IQSEC3: variants seen among roughly 807,000 people sequenced by gnomAD.
IQSEC3 encodes IQ motif and Sec7 domain ArfGEF 3, also known as IQ motif and SEC7 domain-containing protein 3.
Under a neutral mutation model 105.4 loss-of-function variants are expected in IQSEC3, and 50 were observed. The observed-to-expected ratio is 0.47, with a 90% confidence interval of 0.38 to 0.60. IQSEC3 has a LOEUF of 0.60. Ranked by LOEUF, IQSEC3 falls within the 20% of genes least tolerant of loss-of-function variation. IQSEC3 has a pLI of 0.00. For synonymous variants in IQSEC3, 708 were observed against 746.0 expected (o/e 0.95, Z 0.83); for missense variants, 1,415 against 1,630.0 (o/e 0.87, Z 2.27).
At chr12:87,926 G>A (rs12230910) in intron 1 of IQSEC3, among the ~76,000 whole-genome samples, 1 of 152,148 alleles carries the variant, frequency 6.6e-6, no homozygotes, top group African/African-American at 2.4e-5. Context: ...AAGTTCTGTT[G>A]TATACGTGCG....
At chr12:136,567 C>T (rs1173867378) in intron 3 of IQSEC3, among the ~76,000 whole-genome samples, 1 of 152,148 alleles carries the variant, frequency 6.6e-6, no homozygotes, top group Non-Finnish European at 1.5e-5. Flanking sequence ...GTACCCTCGC[C>T]ATCCATGATC....
intron 1 of IQSEC3, among the ~76,000 whole-genome samples, chr12:82,247 G>A (rs1565381940): frequency 6.6e-6 from 1 of 152,168 alleles, no homozygotes; most frequent in African/African-American, 2.4e-5. Context: ...CTATTAGAGG[G>A]ATACATTGTG....
chr12:84,881 C>T (rs1347784957), intron 1 of IQSEC3, among the ~76,000 whole-genome samples: 1 of 152,132 alleles, frequency 6.6e-6, no homozygotes, highest in Non-Finnish European at 1.5e-5. Flanking sequence ...CAAGGCTCTT[C>T]CACTCACAGC....
At chr12:116,954 G>A (rs1398413629) in intron 2 of IQSEC3, among the ~76,000 whole-genome samples, 1 of 152,246 alleles carries the variant, frequency 6.6e-6, no homozygotes, top group African/African-American at 2.4e-5. Context: ...TCTTTCTTGA[G>A]CTGAGTACAT....
intron 13 of IQSEC3, among the ~76,000 whole-genome samples, chr12:172,874 G>A (rs1939079510): frequency 1.3e-5 from 2 of 152,212 alleles, no homozygotes; most frequent in Non-Finnish European, 2.9e-5. Context: ...GCAGTGGGGG[G>A]ACCAGAGCAG....
intron 9 of IQSEC3, 183 bp from the exon 10 acceptor site, chr12:165,251 G>A: frequency 1.6e-6 from 1 of 618,798 alleles, no homozygotes; most frequent in South Asian, 1.9e-5. Flanking sequence ...CCACTGTAGG[G>A]TTTTGTGCAG....
chr12:113,523 A>G (rs1864959401), intron 2 of IQSEC3, among the ~76,000 whole-genome samples: 1 of 151,792 alleles, frequency 6.6e-6, no homozygotes. Flanking sequence ...TGCCACTGCC[A>G]CACGGCCTGG....
chr12:97,295 A>G (rs1555074950), intron 1 of IQSEC3, among the ~76,000 whole-genome samples: 2 of 152,124 alleles, frequency 1.3e-5, no homozygotes, highest in East Asian at 1.9e-4. Context: ...TTCCTAGTCT[A>G]TCATGTGTCT....
chr12:109,344 C>T (rs1359652611), intron 2 of IQSEC3, among the ~76,000 whole-genome samples: 1 of 152,144 alleles, frequency 6.6e-6, no homozygotes, highest in African/African-American at 2.4e-5. Context: ...CATTTGCTGG[C>T]CGTGTTGTCC....
At chr12:154,173 T>TGGCTCTCA (rs1866604267) in intron 5 of IQSEC3, among the ~76,000 whole-genome samples, 1 of 152,194 alleles carries the variant, frequency 6.6e-6, no homozygotes, top group Non-Finnish European at 1.5e-5. Context: ...TCCCGGTCCT[T>TGGCTCTCA]GGCTCTCAGG....
At chr12:105,128 A>C (rs1348869284) in intron 2 of IQSEC3, among the ~76,000 whole-genome samples, 3 of 152,180 alleles carry the variant, frequency 2.0e-5, no homozygotes, top group Admixed American at 6.5e-5. Flanking sequence ...GGGCAGGCCC[A>C]CCCTGCCTGC....
intron 12 of IQSEC3, 74 bp from the exon 13 acceptor site, chr12:171,038 T>G (rs1938961476): frequency 2.5e-6 from 4 of 1,579,270 alleles, no homozygotes; most frequent in Non-Finnish European, 3.5e-6. Context: ...CAGAGATGCT[T>G]GAGGGGCACA....
intron 12 of IQSEC3, among the ~76,000 whole-genome samples, chr12:170,253 T>G (rs1242554816): frequency 3.9e-5 from 6 of 152,322 alleles, no homozygotes; most frequent in South Asian, 4.1e-4. Context: ...GCTTTTGTTT[T>G]CTCAGCTGTG....
At position 138,441 on chromosome 12, in the gene IQSEC3, A is replaced by G. The variant is rs782262240; in HGVS notation, c.1078A>G (p.Thr360Ala). 57 of 1,605,206 alleles carry G rather than the reference A, an allele frequency of 3.6e-5. No individual in the cohort carries two copies. Among genetic ancestry groups the G allele is most frequent in the Non-Finnish European group, 4.7e-5 (55 of 1,179,388 alleles). ...CTCCCTGCGCAAGGTGCGGTCACCC[A>G]CGGCCGAGAGCCTGGCGGCCGAGAA... is the stretch of plus-strand genomic sequence containing the variant. ...RISLRKVRSP[T>A]AESLAAEKAL... Residue 360 changes from threonine to alanine, a missense_variant, in exon 4 of 14, where the codon ACG (threonine) becomes GCG (alanine). Physicochemically the swap from Thr to Ala is moderately conservative, Grantham distance 58. Transcript: ENST00000538872. This position sits in a 1 kb window ranked among gnomAD's most constrained non-coding sequence, Gnocchi z 7.1.
At position 76,100 on chromosome 12, in the gene IQSEC3, A is replaced by G. The variant is rs2136870029; in HGVS notation, c.554+8664A>G. ...TGAGAGTTTCATCACACACACACAC[A>G]CACACACACACACACACACACACAC... On this transcript the variant is annotated intron_variant, in intron 1 of 13. Transcript: ENST00000538872. Among the ~76,000 whole-genome samples the G allele has an allele frequency of 2.0e-5, 3 of 148,150 alleles. No individual in the cohort carries two copies. The South Asian group carries it at 6.4e-4, about 31-fold the overall frequency.
chr12:132,327 T>C (rs574142403), intron 3 of IQSEC3, among the ~76,000 whole-genome samples: 97 of 151,714 alleles, frequency 6.4e-4, no homozygotes, highest in Admixed American at 1.2e-3. Flanking sequence ...CTTTGTGGAG[T>C]AGGACTTTGT....
chr12:162,034 A>C lies in IQSEC3; in HGVS notation c.2552A>C (p.Lys851Thr). The C allele has an allele frequency of 6.2e-7, 1 of 1,613,852 alleles. No individual in the cohort carries two copies. The highest frequency in any genetic ancestry group is 1.1e-5 in the South Asian group (1 of 91,078). ...GAGGACCACGTCACGTACGTCACCA[A>C]GGTGGAGAAGTCCATTGTGGGCATG... ...SNEDHVTYVT[K>T]VEKSIVGMKT... The change falls in exon 8 of 14, where the codon AAG becomes ACG. Residue 851 changes from lysine (K) to threonine (T), a missense_variant. Lys to Thr is a moderately conservative substitution (Grantham distance 78). Coordinates refer to ENST00000538872, the MANE Select transcript of IQSEC3 (RefSeq NM_001170738.2).
At chr12:165,641 G>C (rs1007045251) in intron 10 of IQSEC3, 88 bp from the exon 11 acceptor site, 237 of 1,579,776 alleles carry the variant, frequency 1.5e-4, no homozygotes, top group Non-Finnish European at 2.0e-4. Flanking sequence ...GGAGGCATGA[G>C]ACCCCGTGCC....
intron 1 of IQSEC3, among the ~76,000 whole-genome samples, chr12:75,861 C>G (rs1208078934): frequency 3.4e-4 from 52 of 152,254 alleles, no homozygotes; most frequent in African/African-American, 1.2e-3. Context: ...TGTCCTGAAG[C>G]TGAGCCCATG....
Sources: gnomAD v4.1 joint callset for allele counts (sites outside exome capture counted in the v4.1 genomes callset) on GRCh38, gnomAD v4.1.1 for gene constraint, Gnocchi (gnomAD v3.1) non-coding constraint, MANE v1.5 for transcripts, NCBI Gene and HGNC (gene_info 2026-07-23, HGNC 2026-07-21) for gene names.